FOLH1: variants seen among roughly 807,000 people sequenced by gnomAD.
FOLH1 encodes the protein glutamate carboxypeptidase 2.
Under a neutral mutation model 93.9 loss-of-function variants are expected in FOLH1, and 54 were observed. That is an observed-to-expected ratio of 0.57 (90% CI 0.46 to 0.72). FOLH1 has a LOEUF of 0.72. FOLH1 is among the 30% of genes least tolerant of loss of function. The probability of loss-of-function intolerance (pLI) is 0.00; values close to 1 mark genes in which losing one functional copy is unlikely to be tolerated. For missense variants in FOLH1, 571 were observed against 892.5 expected (o/e 0.64, Z 4.59); for synonymous variants, 249 against 303.6 (o/e 0.82, Z 1.87).
chr11:49,146,342 C>A lies in FOLH1; in HGVS notation c.*414G>T, dbSNP rs929470026. ...GAGATAGTGATCCTCTCAGCCCAGGCTGGCCAGGTAGGCCGTGAGGCCTCT... is the reference window on the plus strand; with the variant it reads ...GAGATAGTGATCCTCTCAGCCCAGGATGGCCAGGTAGGCCGTGAGGCCTCT... On this transcript the variant is annotated 3_prime_UTR_variant, in exon 19 of 19. Coordinates refer to ENST00000256999, the MANE Select transcript of FOLH1 (RefSeq NM_004476.3). Among the ~76,000 whole-genome samples the A allele has an allele frequency of 6.6e-6, 1 of 152,208 alleles. No individual in the cohort carries two copies. The highest frequency in any genetic ancestry group is 2.4e-5 in the African/African-American group (1 of 41,462).
chr11:49,148,605 T>A, intron 18 of FOLH1, 34 bp downstream of exon 18: 1 of 1,414,850 alleles, frequency 7.1e-7, no homozygotes, highest in Admixed American at 2.3e-5. Flanking sequence ...GAAAAAGTGA[T>A]ATTACAGAAA....
In FOLH1 at chr11:49,206,909, T is replaced by C. The variant is rs1010578593; in HGVS notation, c.119-737A>G. 10 of 828,366 alleles carry C rather than the reference T, an allele frequency of 1.2e-5. No individual in the cohort carries two copies. In the African/African-American group the frequency reaches 1.4e-4, roughly 11 times the overall value. The allele number at this position is 828,366 out of a possible 1,614,324, so 51.3% of individuals were successfully genotyped here. ...ATAAGGCAAGATTCCAGGGTTTATTTAGAGAAATTACAGGATCTGGGAATA... is the reference window on the plus strand; with the variant it reads ...ATAAGGCAAGATTCCAGGGTTTATTCAGAGAAATTACAGGATCTGGGAATA... On this transcript the variant is annotated intron_variant, in intron 1 of 18. Coordinates refer to ENST00000256999, the MANE Select transcript of FOLH1 (RefSeq NM_004476.3).
At chr11:49,189,624 C>A (rs1415431772) in intron 4 of FOLH1, among the ~76,000 whole-genome samples, 1 of 152,062 alleles carries the variant, frequency 6.6e-6, no homozygotes, top group Non-Finnish European at 1.5e-5. Flanking sequence ...ATGGGTTTAT[C>A]CAGACATAAC....
In FOLH1 at chr11:49,183,179, A is replaced by G; in HGVS notation, c.890T>C (p.Ile297Thr). 6.2e-7 allele frequency: 1 copy of G among 1,612,936 alleles called. No individual in the cohort carries two copies. The highest frequency in any genetic ancestry group is 8.5e-7 in the Non-Finnish European group (1 of 1,179,334). ...GAGCTTCTGTGCATCATAGTATCCA[A>G]TTGGATGAACAGGAATACTTGGAAG... ...VGLPSIPVHP[I>T]GYYDAQKLLE... Residue 297 changes from isoleucine (I) to threonine (T), a missense_variant, in exon 7 of 19, where the codon ATT becomes ACT. Transcript: ENST00000256999.
At chr11:49,166,897 A>G (rs1858471923) in intron 12 of FOLH1, among the ~76,000 whole-genome samples, 1 of 152,108 alleles carries the variant, frequency 6.6e-6, no homozygotes, top group African/African-American at 2.4e-5. Context: ...ATCTTAAAAA[A>G]CTATGGCCAA....
chr11:49,166,495 G>C (rs143474817), intron 12 of FOLH1, among the ~76,000 whole-genome samples: 2,944 of 152,240 alleles, frequency 0.019, 80 homozygotes, highest in African/African-American at 0.067. Context: ...ACCTGAGATA[G>C]CACCCACTAC....
chr11:49,146,066 A>C lies in FOLH1; in HGVS notation c.*690T>G, dbSNP rs1206487049. ...GTGATAAAATTATAAATAATGACAG[A>C]GGAAAGATAAATAAACATAAAATTC... On this transcript the variant is annotated 3_prime_UTR_variant, in exon 19 of 19. Coordinates refer to ENST00000256999, the MANE Select transcript of FOLH1 (RefSeq NM_004476.3). Among the ~76,000 whole-genome samples, 1 of 152,202 alleles carries C rather than the reference A, an allele frequency of 6.6e-6. No homozygotes were observed. Among genetic ancestry groups the C allele is most frequent in the Non-Finnish European group, 1.5e-5 (1 of 68,030 alleles).
intron 13 of FOLH1, among the ~76,000 whole-genome samples, chr11:49,158,648 A>G (rs1181943842): frequency 5.9e-5 from 9 of 152,072 alleles, no homozygotes; most frequent in African/African-American, 2.2e-4. Flanking sequence ...TTTAAAACAG[A>G]TTTTTCAAAT....
chr11:49,190,812 C>A (rs1339361434), intron 4 of FOLH1, among the ~76,000 whole-genome samples: 2 of 152,060 alleles, frequency 1.3e-5, no homozygotes, highest in East Asian at 1.9e-4. Flanking sequence ...GATTACTGAT[C>A]GTGAATTTTT....
At chr11:49,163,227 T>C (rs1857925933) in intron 13 of FOLH1, among the ~76,000 whole-genome samples, 1 of 152,058 alleles carries the variant, frequency 6.6e-6, no homozygotes. Context: ...TCCTGGCAGC[T>C]CCATCCCAGG....
intron 3 of FOLH1, among the ~76,000 whole-genome samples, chr11:49,196,453 C>T (rs979850258): frequency 6.6e-6 from 1 of 152,088 alleles, no homozygotes; most frequent in Admixed American, 6.5e-5. Context: ...AAAAACCCAA[C>T]TCATTTTAGA....
intron 7 of FOLH1, among the ~76,000 whole-genome samples, chr11:49,181,200 C>G (rs1328152453): frequency 6.6e-6 from 1 of 151,486 alleles, no homozygotes; most frequent in African/African-American, 2.4e-5. Flanking sequence ...CTCTGCCTCC[C>G]GGGTTCAAGT....
chr11:49,164,689 A>G lies in FOLH1; in HGVS notation c.1440+16T>C. The G allele has an allele frequency of 6.4e-7, 1 of 1,553,496 alleles. No individual in the cohort carries two copies. The highest frequency in any genetic ancestry group is 8.8e-7 in the Non-Finnish European group (1 of 1,135,964). On this transcript the variant is annotated intron_variant, in intron 13 of 18. Coordinates refer to ENST00000256999, the MANE Select transcript of FOLH1 (RefSeq NM_004476.3). ...TGTAGAATTTGGGTTTTCTTAAATT[A>G]TATGTAATTATATACCTCTTTTGTT... is the stretch of plus-strand genomic sequence containing the variant.
chr11:49,177,839 T>TGTAATCCCA (rs1315788971), intron 7 of FOLH1, among the ~76,000 whole-genome samples: 2 of 149,074 alleles, frequency 1.3e-5, no homozygotes, highest in African/African-American at 4.9e-5. Flanking sequence ...GGCACATGCC[T>TGTAATCCCA]GTAATCCCAG....
At chr11:49,191,793 G>T (rs113161131) in intron 4 of FOLH1, among the ~76,000 whole-genome samples, 4,441 of 152,298 alleles carry the variant, frequency 0.029, 79 homozygotes, top group African/African-American at 0.036. Context: ...CGCCTCCCGG[G>T]TTCACGCCAT....
At chr11:49,198,200 T>C (rs571704974) in intron 3 of FOLH1, among the ~76,000 whole-genome samples, 29 of 151,404 alleles carry the variant, frequency 1.9e-4, no homozygotes, top group Non-Finnish European at 4.1e-4. Flanking sequence ...AACGACAACA[T>C]AGCAAGACCC....
chr11:49,190,206 CTT>C (rs1861872700), intron 4 of FOLH1, among the ~76,000 whole-genome samples: 1 of 152,098 alleles, frequency 6.6e-6, no homozygotes, highest in East Asian at 1.9e-4. Context: ...ATGTGGCTGT[CTT>C]TTGATATATC....
At chr11:49,147,001 C>G (rs1855842674) in intron 18 of FOLH1, 56 bp from the exon 19 acceptor site, 10 of 1,552,366 alleles carry the variant, frequency 6.4e-6, no homozygotes, top group African/African-American at 1.4e-5. Context: ...ACAAGAGAAA[C>G]ACAAGAGCAC....
chr11:49,183,025 A>C (rs2135176376), intron 7 of FOLH1, 124 bp downstream of exon 7: 1 of 741,100 alleles, frequency 1.3e-6, no homozygotes, highest in East Asian at 2.7e-5. Flanking sequence ...ATACTGATAA[A>C]ATTACAAGCA....
Sources: allele counts gnomAD v4.1 joint callset (sites outside exome capture counted in the v4.1 genomes callset), GRCh38; gene constraint gnomAD v4.1.1; transcripts MANE v1.5; gene names NCBI Gene and HGNC (gene_info 2026-07-23, HGNC 2026-07-21).